The following FLVCR2 variants were observed in gnomAD, a reference collection of about 807,000 sequenced individuals.
FLVCR2 encodes the protein choline/ethanolamine transporter FLVCR2.
A neutral mutation model predicts 48.9 loss-of-function variants in FLVCR2; 38 were observed. The observed-to-expected ratio is 0.78, with a 90% CI of 0.60 to 1.02. The LOEUF (loss-of-function observed/expected upper bound fraction) is 1.02. FLVCR2 is among the 50% of genes least tolerant of loss of function. The pLI, the probability that FLVCR2 is intolerant of heterozygous loss-of-function variation, is 0.00. For synonymous variants in FLVCR2, 255 were observed against 257.0 expected (o/e 0.99, Z 0.07); for missense variants, 664 against 663.3 (o/e 1.00, Z -0.01).
intron 1 of FLVCR2, among the ~76,000 whole-genome samples, chr14:75,591,741 TGTGGTG>T (rs1888885298): frequency 6.6e-6 from 1 of 151,948 alleles, no homozygotes; most frequent in Non-Finnish European, 1.5e-5. Flanking sequence ...AGAGGCTGTC[TGTGGTG>T]GCTCCCCCAC....
intron 1 of FLVCR2, 34 bp downstream of exon 1, chr14:75,579,675 C>A (rs1171684132): frequency 6.2e-7 from 1 of 1,608,880 alleles, no homozygotes; most frequent in East Asian, 2.2e-5. Context: ...TTCCCAGGGG[C>A]GTGTGTTAGA....
chr14:75,582,368 G>A (rs138544870), intron 1 of FLVCR2, among the ~76,000 whole-genome samples: 11 of 152,276 alleles, frequency 7.2e-5, no homozygotes, highest in South Asian at 6.2e-4. Context: ...GTGAGGGCTC[G>A]AGTTAAGGCA....
chr14:75,583,469 G>A (rs1360450882), intron 1 of FLVCR2, among the ~76,000 whole-genome samples: 1 of 152,106 alleles, frequency 6.6e-6, no homozygotes, highest in Non-Finnish European at 1.5e-5. Flanking sequence ...GGATAGTAAT[G>A]GGCTCGTGAT....
intron 1 of FLVCR2, among the ~76,000 whole-genome samples, chr14:75,598,803 A>G (rs1041794318): frequency 1.3e-5 from 2 of 152,246 alleles, no homozygotes; most frequent in African/African-American, 4.8e-5. Context: ...CTTGCCAGGC[A>G]TTGTTATAGT....
chr14:75,592,941 C>T (rs1422900148), intron 1 of FLVCR2, among the ~76,000 whole-genome samples: 1 of 152,214 alleles, frequency 6.6e-6, no homozygotes, highest in African/African-American at 2.4e-5. Flanking sequence ...TTTGCTGTGG[C>T]ATAACATGGG....
intron 1 of FLVCR2, among the ~76,000 whole-genome samples, chr14:75,580,022 T>G (rs775035577): frequency 6.6e-6 from 1 of 152,240 alleles, no homozygotes; most frequent in East Asian, 1.9e-4. Flanking sequence ...GTGCTTTCAG[T>G]TGGACCAACC....
chr14:75,617,612 C>A (rs1259330141), intron 1 of FLVCR2, among the ~76,000 whole-genome samples: 3 of 152,196 alleles, frequency 2.0e-5, no homozygotes, highest in African/African-American at 7.2e-5. Context: ...ATCTCAGCTT[C>A]ATCATCTGTA....
At chr14:75,612,811 C>CGGTAGG (rs1889494408) in intron 1 of FLVCR2, among the ~76,000 whole-genome samples, 1 of 152,194 alleles carries the variant, frequency 6.6e-6, no homozygotes, top group East Asian at 1.9e-4. Flanking sequence ...TGCCAAACCT[C>CGGTAGG]GACTACATGT....
At position 75,647,470 on chromosome 14, in the gene FLVCR2, G is replaced by C. The variant is rs1445336649; in HGVS notation, c.*998G>C. 2 of 152,548 alleles carry C rather than the reference G, an allele frequency of 1.3e-5. No homozygotes were observed. Among genetic ancestry groups the C allele is most frequent in the Non-Finnish European group, 2.9e-5 (2 of 68,042 alleles). The allele number at this position is 152,548 out of a possible 1,614,324, so 9.4% of individuals were successfully genotyped here. A position where few individuals can be genotyped will look rare whatever the true frequency, so the allele number is the denominator to read the frequency against. Reference sequence around the variant, plus strand: ...AAAGGTGCTTCTGAGAGATAAGAGGGAAGGGGTAGAAGGAAAGGTGCCCCT... The same window carrying C: ...AAAGGTGCTTCTGAGAGATAAGAGGCAAGGGGTAGAAGGAAAGGTGCCCCT... On this transcript the variant is annotated 3_prime_UTR_variant, in exon 10 of 10. Transcript: ENST00000238667.
At chr14:75,597,885 C>T (rs1211920853) in intron 1 of FLVCR2, among the ~76,000 whole-genome samples, 1 of 151,914 alleles carries the variant, frequency 6.6e-6, no homozygotes, top group Non-Finnish European at 1.5e-5. Context: ...TATATGTTTT[C>T]AACTGGCCTC....
Position 75,584,504 on chromosome 14 carries a change from G to A in FLVCR2, c.669+4863G>A, listed in dbSNP as rs181061393. Among the ~76,000 whole-genome samples the A allele has an allele frequency of 3.3e-5, 5 of 152,318 alleles. No individual in the cohort carries two copies. In the East Asian group the frequency reaches 5.8e-4, roughly 18 times the overall value. ...GGGCCATGAACTGGGCTGGGTTTTC[G>A]TCTTTACCTCGGGTAGTTTCTCTAA... On this transcript the variant is annotated intron_variant, in intron 1 of 9. Transcript: ENST00000238667.
chr14:75,582,493 GTT>G (rs1012301755), intron 1 of FLVCR2, among the ~76,000 whole-genome samples: 3 of 152,184 alleles, frequency 2.0e-5, no homozygotes, highest in Admixed American at 1.3e-4. Context: ...GTTGAGCATA[GTT>G]TGTGATTTTG....
chr14:75,589,445 T>G (rs1432683186), intron 1 of FLVCR2, among the ~76,000 whole-genome samples: 2 of 152,230 alleles, frequency 1.3e-5, no homozygotes, highest in Non-Finnish European at 2.9e-5. Context: ...GGGAAGGGAC[T>G]GGTCCCCCAA....
At chr14:75,596,112 T>A (rs935053159) in intron 1 of FLVCR2, 8 of 951,096 alleles carry the variant, frequency 8.4e-6, no homozygotes, top group Non-Finnish European at 1.4e-5. Flanking sequence ...CACTGTTGCC[T>A]TCCCAGGGTG....
At position 75,593,594 on chromosome 14, in the gene FLVCR2, C is replaced by A. The variant is rs549976067; in HGVS notation, c.669+13953C>A. On this transcript the variant is annotated intron_variant, in intron 1 of 9. Transcript: ENST00000238667. ...GATCAGCTGGTGGAGGATCCTCCCC[C>A]ATGATCCAAATGCCTCCCACTAAGC... is the stretch of plus-strand genomic sequence containing the variant. Among the ~76,000 whole-genome samples, 17 of 152,302 alleles carry A rather than the reference C, an allele frequency of 1.1e-4. No homozygotes were observed. The East Asian group carries it at 3.3e-3, about 29-fold the overall frequency.
intron 3 of FLVCR2, among the ~76,000 whole-genome samples, chr14:75,629,719 T>C (rs940948003): frequency 1.3e-5 from 2 of 152,242 alleles, no homozygotes; most frequent in African/African-American, 2.4e-5. Context: ...TTGAAAAGAA[T>C]TGTTGAAAAG....
In FLVCR2 at chr14:75,646,777, C is replaced by A. The variant is rs1051341526; in HGVS notation, c.*305C>A. On this transcript the variant is annotated 3_prime_UTR_variant, in exon 10 of 10. Transcript: ENST00000238667. ...GAGTCAATCCTAGCTTGGTCTCTTG[C>A]CTTCCCTCTTTTCCTCCATCCATCG... 4.9e-6 allele frequency: 2 copies of A among 408,442 alleles called. No homozygotes were observed. The highest frequency in any genetic ancestry group is 9.3e-6 in the Non-Finnish European group (2 of 214,766). The allele number at this position is 408,442 out of a possible 1,614,324, so 25.3% of individuals were successfully genotyped here.
At chr14:75,586,705 C>A (rs1287508666) in intron 1 of FLVCR2, among the ~76,000 whole-genome samples, 1 of 152,088 alleles carries the variant, frequency 6.6e-6, no homozygotes, top group Non-Finnish European at 1.5e-5. Context: ...CGCTTGTACT[C>A]CGGTAATTCT....
Position 75,624,639 on chromosome 14 carries a change from C to G in FLVCR2, c.839C>G (p.Pro280Arg), listed in dbSNP as rs267606823. 2.4e-5 allele frequency: 38 copies of G among 1,613,960 alleles called. No individual in the cohort carries two copies. Among genetic ancestry groups the G allele is most frequent in the Non-Finnish European group, 3.1e-5 (37 of 1,180,020 alleles). The change falls in exon 3 of 10, where the codon CCC becomes CGC. Residue 280 changes from proline to arginine, a missense_variant. Physicochemically the swap from Pro to Arg is moderately radical, Grantham distance 103. Coordinates refer to ENST00000238667, the MANE Select transcript of FLVCR2 (RefSeq NM_017791.3). Reference protein sequence around the residue: ...IVFKEKPKYPPSRAQSLSYAL... With the variant: ...IVFKEKPKYPRSRAQSLSYAL... ...TTCAAGGAGAAACCTAAATATCCCC[C>G]CAGCAGGGCCCAATCCCTGAGCTAT...
Sources: allele counts gnomAD v4.1 joint callset (sites outside exome capture counted in the v4.1 genomes callset), GRCh38; gene constraint gnomAD v4.1.1; transcripts MANE v1.5; gene names NCBI Gene and HGNC (gene_info 2026-07-23, HGNC 2026-07-21).